The following LMLN variants were observed in gnomAD, a reference collection of about 807,000 sequenced individuals.
LMLN encodes the protein leishmanolysin like peptidase.
Under a neutral mutation model 92.3 loss-of-function variants are expected in LMLN, and 70 were observed. The observed-to-expected ratio is 0.76, with a 90% CI of 0.63 to 0.92. The LOEUF (loss-of-function observed/expected upper bound fraction) is 0.92. Among genes scored for constraint, LMLN ranks in the 40% least tolerant of loss-of-function variants. The pLI is 0.00. For missense variants in LMLN, 691 were observed against 814.6 expected (o/e 0.85, Z 1.85); for synonymous variants, 308 against 296.2 (o/e 1.04, Z -0.41).
At chr3:198,012,184 C>T (rs1722463875) in intron 11 of LMLN, among the ~76,000 whole-genome samples, 1 of 152,180 alleles carries the variant, frequency 6.6e-6, no homozygotes, top group African/African-American at 2.4e-5. Context: ...CCTGCCCCAG[C>T]CTTCCAGGTA....
At chr3:198,043,271 G>A (rs572462206) in exon 16 of LMLN, 9 of 152,486 alleles carry the variant, frequency 5.9e-5, no homozygotes, top group South Asian at 4.1e-4. Context: ...CTGCCTCCAG[G>A]AGCATACGCC....
At chr3:198,006,606 A>G (rs1369015799) in intron 11 of LMLN, among the ~76,000 whole-genome samples, 5 of 151,966 alleles carry the variant, frequency 3.3e-5, no homozygotes, top group Admixed American at 6.6e-5. Context: ...GAGCGTAGTG[A>G]TATTTTATTT....
intron 6 of LMLN, 109 bp from the exon 7 acceptor site, chr3:197,983,834 G>T: frequency 3.0e-6 from 2 of 660,396 alleles, no homozygotes; most frequent in Non-Finnish European, 2.6e-6. Flanking sequence ...AATTGCATTG[G>T]ATACTTTGCA....
At chr3:198,000,734 A>G (rs190258953) in intron 11 of LMLN, among the ~76,000 whole-genome samples, 1 of 152,088 alleles carries the variant, frequency 6.6e-6, no homozygotes, top group East Asian at 1.9e-4. Flanking sequence ...AGCATATCTC[A>G]TCGAGTTTTA....
intron 9 of LMLN, among the ~76,000 whole-genome samples, chr3:197,994,396 G>T (rs1268219029): frequency 6.6e-6 from 1 of 152,256 alleles, no homozygotes; most frequent in East Asian, 1.9e-4. Flanking sequence ...AAATATGCAA[G>T]AAATGCAAAC....
intron 10 of LMLN, 33 bp from the exon 11 acceptor site, chr3:197,999,233 C>G (rs1722106837): frequency 1.4e-6 from 2 of 1,473,248 alleles, no homozygotes; most frequent in African/African-American, 1.4e-5. Context: ...TGCAGAGAAT[C>G]TAGTCTAATT....
chr3:198,024,846 G>T, intron 14 of LMLN, 58 bp downstream of exon 15: 3 of 1,371,462 alleles, frequency 2.2e-6, no homozygotes, highest in Admixed American at 2.5e-5. Context: ...TCTCTTTTAT[G>T]GTTTTGTATT....
intron 1 of LMLN, among the ~76,000 whole-genome samples, chr3:197,962,046 G>A (rs776422790): frequency 3.9e-5 from 6 of 152,202 alleles, no homozygotes; most frequent in Admixed American, 1.3e-4. Flanking sequence ...TGCCACAAAT[G>A]TATCCATGCA....
At chr3:197,982,521 C>T (rs1046472585) in intron 6 of LMLN, among the ~76,000 whole-genome samples, 3 of 152,112 alleles carry the variant, frequency 2.0e-5, no homozygotes, top group South Asian at 2.1e-4. Flanking sequence ...CCACCACGCC[C>T]GGCCTTAAGT....
intron 9 of LMLN, among the ~76,000 whole-genome samples, chr3:197,991,475 G>A (rs557163402): frequency 2.0e-5 from 3 of 152,242 alleles, no homozygotes; most frequent in Non-Finnish European, 4.4e-5. Flanking sequence ...CGATGGGATA[G>A]GCCAGCAGGC....
rs1222850932 is a variant in LMLN at position 198,031,149 on chromosome 3, G to A, written c.1657-4684G>A. On this transcript the variant is annotated intron_variant, in intron 14 of 15. Transcript: ENST00000330198. The surrounding 1 kb of genome is among the most constrained non-coding windows in gnomAD (Gnocchi z 4.8). ...TTACATGACACAGGAGCCCACATGA[G>A]TAAATGAAAACTCAAAGAAGTGTGA... Among the ~76,000 whole-genome samples the A allele has an allele frequency of 6.6e-6, 1 of 152,212 alleles. No individual in the cohort carries two copies. The highest frequency in any genetic ancestry group is 1.5e-5 in the Non-Finnish European group (1 of 68,040).
chr3:198,022,768 A>G (rs926826784), intron 13 of LMLN, among the ~76,000 whole-genome samples: 2 of 152,190 alleles, frequency 1.3e-5, no homozygotes, highest in Non-Finnish European at 2.9e-5. Flanking sequence ...AAGCCAGAGG[A>G]TTGCTTGAGC....
chr3:198,039,044 T>C (rs1723323394), exon 16 of LMLN: 1 of 191,752 alleles, frequency 5.2e-6, no homozygotes, highest in African/African-American at 2.5e-5. Flanking sequence ...ACCAACCACT[T>C]TCATCTGCAA....
At chr3:197,997,021 T>C (rs543315729) in intron 10 of LMLN, among the ~76,000 whole-genome samples, 3 of 140,392 alleles carry the variant, frequency 2.1e-5, no homozygotes, top group Non-Finnish European at 4.5e-5. Flanking sequence ...TTTTCCTTTC[T>C]TTTCTTTTCT....
intron 15 of LMLN, chr3:198,038,286 A>T (rs1335237426): frequency 2.9e-6 from 1 of 349,464 alleles, no homozygotes; most frequent in African/African-American, 2.1e-5. Flanking sequence ...AATAACCAAG[A>T]TCTTTATCTT....
intron 1 of LMLN, among the ~76,000 whole-genome samples, chr3:197,961,488 C>T (rs925572447): frequency 3.3e-5 from 5 of 152,130 alleles, no homozygotes; most frequent in Admixed American, 1.3e-4. Flanking sequence ...AGCTTTTTTG[C>T]AGCTTTTATC....
intron 9 of LMLN, among the ~76,000 whole-genome samples, chr3:197,992,734 A>G (rs1721910531): frequency 6.6e-6 from 1 of 152,210 alleles, no homozygotes; most frequent in East Asian, 1.9e-4. Flanking sequence ...AGTCCTTCTC[A>G]AACTTTTCCA....
intron 1 of LMLN, among the ~76,000 whole-genome samples, chr3:197,972,437 C>T (rs1365951311): frequency 6.6e-6 from 1 of 152,030 alleles, no homozygotes; most frequent in African/African-American, 2.4e-5. Flanking sequence ...TTCTTTGGTT[C>T]TTTTCATAGT....
chr3:198,007,016 T>C (rs951068570), intron 11 of LMLN, among the ~76,000 whole-genome samples: 1 of 152,228 alleles, frequency 6.6e-6, no homozygotes, highest in African/African-American at 2.4e-5. Context: ...GCCAATTTTT[T>C]AATTGGATTG....
Sources: gnomAD v4.1 joint callset for allele counts (sites outside exome capture counted in the v4.1 genomes callset) on GRCh38, gnomAD v4.1.1 for gene constraint, Gnocchi (gnomAD v3.1) non-coding constraint, MANE v1.5 for transcripts, NCBI Gene and HGNC (gene_info 2026-07-23, HGNC 2026-07-21) for gene names.